Variants in WDPCP observed in about 807,000 individuals in gnomAD.
WDPCP encodes the protein WD repeat containing planar cell polarity effector.
WDPCP carries 71 observed loss-of-function variants against 93.1 expected under a neutral mutation model. That is an observed-to-expected ratio of 0.76 (90% CI 0.63 to 0.93). The LOEUF is 0.93. WDPCP is among the 40% of genes least tolerant of loss of function. The pLI is 0.00. For missense variants in WDPCP, 844 were observed against 887.4 expected (o/e 0.95, Z 0.62); for synonymous variants, 315 against 315.0 (o/e 1.00, Z 0.00).
intron 13 of WDPCP, among the ~76,000 whole-genome samples, chr2:63,296,168 AC>A (rs1684836893): frequency 6.6e-6 from 1 of 151,722 alleles, no homozygotes; most frequent in Non-Finnish European, 1.5e-5. Flanking sequence ...CACCACATAA[AC>A]AGAATTAAAA....
intron 6 of WDPCP, among the ~76,000 whole-genome samples, chr2:63,464,073 A>C (rs1452964494): frequency 6.6e-6 from 1 of 152,196 alleles, no homozygotes; most frequent in Non-Finnish European, 1.5e-5. Context: ...CAACAAAATG[A>C]AAAGGTAACC....
At chr2:63,604,655 A>T in intron 3 of WDPCP, 1 of 1,522,756 alleles carries the variant, frequency 6.6e-7, no homozygotes, top group Non-Finnish European at 9.0e-7. Context: ...GGAAATAAAA[A>T]CCATTTGTCT....
chr2:63,719,652 G>C (rs2103781643), intron 2 of WDPCP, among the ~76,000 whole-genome samples: 1 of 152,182 alleles, frequency 6.6e-6, no homozygotes, highest in East Asian at 1.9e-4. Context: ...GAGAGAGTGA[G>C]AGACAACTTG....
intron 2 of WDPCP, among the ~76,000 whole-genome samples, chr2:63,757,982 A>G (rs1669994524): frequency 6.6e-6 from 1 of 152,238 alleles, no homozygotes. Context: ...CTACAGTAAA[A>G]GGCAGTAGAC....
At chr2:63,349,121 A>G (rs549004398) in intron 12 of WDPCP, among the ~76,000 whole-genome samples, 13 of 152,304 alleles carry the variant, frequency 8.5e-5, no homozygotes, top group Admixed American at 2.6e-4. Context: ...AAAAATTTAC[A>G]TGGATTGGTT....
intron 13 of WDPCP, among the ~76,000 whole-genome samples, chr2:63,302,182 T>G (rs1188761049): frequency 2.0e-5 from 3 of 152,184 alleles, no homozygotes; most frequent in African/African-American, 7.2e-5. Context: ...TTTCCAAAAT[T>G]TAACTCATGT....
At chr2:63,201,965 T>A (rs1675946805) in intron 14 of WDPCP, among the ~76,000 whole-genome samples, 1 of 152,066 alleles carries the variant, frequency 6.6e-6, no homozygotes, top group African/African-American at 2.4e-5. Context: ...GTTAGTTCTG[T>A]TGTTTTTCTA....
chr2:63,462,547 A>C lies in WDPCP; in HGVS notation c.384+22057T>G, dbSNP rs934910877. Among the ~76,000 whole-genome samples, 4 of 152,292 alleles carry C rather than the reference A, an allele frequency of 2.6e-5. No homozygotes were observed. In the South Asian group the frequency reaches 8.3e-4, roughly 32 times the overall value. Reference sequence around the variant, plus strand: ...TAAATAAAAAATCATTCTGACTACTATGTGGAGAGCAGACTGGTAGGGGCA... The same window carrying C: ...TAAATAAAAAATCATTCTGACTACTCTGTGGAGAGCAGACTGGTAGGGGCA... On this transcript the variant is annotated intron_variant, in intron 6 of 17. Transcript: ENST00000272321.
intron 12 of WDPCP, among the ~76,000 whole-genome samples, chr2:63,337,322 A>ATT (rs34838914): frequency 6.6e-6 from 1 of 152,078 alleles, no homozygotes; most frequent in Non-Finnish European, 1.5e-5. Context: ...ACATGATTTC[A>ATT]TTTTTGATGG....
intron 9 of WDPCP, among the ~76,000 whole-genome samples, chr2:63,410,417 T>A (rs1694939070): frequency 6.6e-6 from 1 of 152,092 alleles, no homozygotes; most frequent in South Asian, 2.1e-4. Context: ...CAGAACACCT[T>A]TAAAGCATAA....
At chr2:63,329,443 A>C (rs934323311) in intron 12 of WDPCP, among the ~76,000 whole-genome samples, 4 of 152,128 alleles carry the variant, frequency 2.6e-5, no homozygotes, top group African/African-American at 7.2e-5. Flanking sequence ...TTATACTGCA[A>C]TATAAGTGAA....
chr2:63,555,528 C>T (rs1375278234), intron 1 of WDPCP, among the ~76,000 whole-genome samples: 1 of 152,146 alleles, frequency 6.6e-6, no homozygotes, highest in African/African-American at 2.4e-5. Flanking sequence ...GGATCCCGTG[C>T]CTCCTGACTA....
At chr2:63,799,777 C>T (rs774711319) in intron 2 of WDPCP, among the ~76,000 whole-genome samples, 6 of 152,044 alleles carry the variant, frequency 3.9e-5, no homozygotes, top group Non-Finnish European at 8.8e-5. Flanking sequence ...AGTAGTTTTT[C>T]AATACCTGTT....
chr2:63,474,105 A>G (rs1339499047), intron 6 of WDPCP, among the ~76,000 whole-genome samples: 1 of 152,176 alleles, frequency 6.6e-6, no homozygotes, highest in Non-Finnish European at 1.5e-5. Context: ...TAAAATACTC[A>G]AAGATTGCCT....
At chr2:63,269,014 T>G (rs1298740741) in intron 13 of WDPCP, among the ~76,000 whole-genome samples, 1 of 152,168 alleles carries the variant, frequency 6.6e-6, no homozygotes, top group African/African-American at 2.4e-5. Flanking sequence ...TGAAACATTG[T>G]AAGATGTTTA....
intron 10 of WDPCP, among the ~76,000 whole-genome samples, chr2:63,384,396 T>C (rs931325149): frequency 1.3e-5 from 2 of 152,148 alleles, no homozygotes; most frequent in South Asian, 2.1e-4. Flanking sequence ...AATGGATTCC[T>C]TGAAAGACCC....
At chr2:63,829,344 G>A (rs1172520887), upstream of WDPCP, among the ~76,000 whole-genome samples, 1 of 152,026 alleles carries the variant, frequency 6.6e-6, no homozygotes, top group Non-Finnish European at 1.5e-5. Flanking sequence ...CTGCCCAAAA[G>A]GTGCCAACAT....
At chr2:63,526,669 T>C (rs1703361551) in intron 1 of WDPCP, among the ~76,000 whole-genome samples, 1 of 152,242 alleles carries the variant, frequency 6.6e-6, no homozygotes, top group South Asian at 2.1e-4. Flanking sequence ...TGTAGAAATC[T>C]CTTCCCTGTG....
At chr2:63,177,579 T>G (rs1246565715) in intron 14 of WDPCP, among the ~76,000 whole-genome samples, 2 of 152,200 alleles carry the variant, frequency 1.3e-5, no homozygotes, top group African/African-American at 2.4e-5. Flanking sequence ...GTATGTTGAC[T>G]TGTATCTTGC....
Sources: gnomAD v4.1 joint callset for allele counts (sites outside exome capture counted in the v4.1 genomes callset) on GRCh38, gnomAD v4.1.1 for gene constraint, MANE v1.5 for transcripts, NCBI Gene and HGNC (gene_info 2026-07-23, HGNC 2026-07-21) for gene names.